MMRN1: variants seen among roughly 807,000 people sequenced by gnomAD.
The protein encoded by MMRN1 is multimerin 1, also known as multimerin-1.
A neutral mutation model predicts 100.7 loss-of-function variants in MMRN1; 94 were observed. The observed-to-expected ratio is 0.93, with a 90% confidence interval of 0.79 to 1.11. The LOEUF (loss-of-function observed/expected upper bound fraction) is 1.11, where lower values mean the gene tolerates loss of function less well. Among genes scored for constraint, MMRN1 ranks in the 50% least tolerant of loss-of-function variants. The pLI is 0.00. For missense variants in MMRN1, 1,606 were observed against 1,439.1 expected (o/e 1.12, Z -1.88); for synonymous variants, 575 against 505.0 (o/e 1.14, Z -1.86).
At chr4:89,889,269 C>T (rs1044561661) in intron 1 of MMRN1, among the ~76,000 whole-genome samples, 4 of 152,246 alleles carry the variant, frequency 2.6e-5, no homozygotes, top group African/African-American at 9.6e-5. Context: ...CTTGACAATA[C>T]AGAGAAAAAG....
intron 6 of MMRN1, among the ~76,000 whole-genome samples, chr4:89,937,635 T>C (rs187218807): frequency 6.6e-6 from 1 of 152,200 alleles, no homozygotes; most frequent in East Asian, 1.9e-4. Flanking sequence ...TTCTTCCTTT[T>C]AAGTGATGAG....
chr4:89,950,066 A>G (rs1203625319), intron 6 of MMRN1, among the ~76,000 whole-genome samples: 1 of 152,238 alleles, frequency 6.6e-6, no homozygotes, highest in Non-Finnish European at 1.5e-5. Flanking sequence ...TTATGTTTAT[A>G]ACCATATTCA....
intron 1 of MMRN1, among the ~76,000 whole-genome samples, chr4:89,887,137 A>C (rs779665951): frequency 1.3e-5 from 2 of 152,074 alleles, no homozygotes; most frequent in African/African-American, 2.4e-5. Context: ...AAAATTATTG[A>C]TGAAAGCAGT....
At chr4:89,895,835 A>T in intron 1 of MMRN1, among the ~76,000 whole-genome samples, 1 of 152,310 alleles carries the variant, frequency 6.6e-6, no homozygotes, top group Non-Finnish European at 1.5e-5. Flanking sequence ...CTACTCACTT[A>T]TAGAGGTAGT....
rs778976355 is a variant in MMRN1 at position 89,936,117 on chromosome 4, G to A, written c.2437G>A (p.Glu813Lys). The A allele has an allele frequency of 1.9e-6, 3 of 1,612,448 alleles. No individual in the cohort carries two copies. In the African/African-American group the frequency reaches 4.0e-5, roughly 22 times the overall value. ...AKTLAGIPRD[E>K]KLNQSNFQKM... Reference sequence around the variant, plus strand: ...GACCCTTGCAGGTATTCCCAGAGATGAGAAACTAAATCAGTCCAACTTCCA... The same window carrying A: ...GACCCTTGCAGGTATTCCCAGAGATAAGAAACTAAATCAGTCCAACTTCCA... The change falls in exon 6 of 8, where the codon GAG becomes AAG. Residue 813 changes from glutamate to lysine, a missense_variant. Glu to Lys is a moderately conservative substitution (Grantham distance 56, BLOSUM62 1). Transcript: ENST00000264790.
intron 1 of MMRN1, among the ~76,000 whole-genome samples, chr4:89,906,618 T>A (rs553266781): frequency 6.6e-6 from 1 of 151,684 alleles, no homozygotes; most frequent in South Asian, 2.1e-4. Context: ...GCCTTTAAAC[T>A]GCCCATCACC....
At chr4:89,921,832 A>G (rs1453856504) in intron 3 of MMRN1, among the ~76,000 whole-genome samples, 3 of 152,186 alleles carry the variant, frequency 2.0e-5, no homozygotes, top group African/African-American at 7.2e-5. Flanking sequence ...TTAATGCCAA[A>G]TATACTTCCT....
chr4:89,924,860 T>A (rs1479820741), intron 4 of MMRN1, among the ~76,000 whole-genome samples: 2 of 151,888 alleles, frequency 1.3e-5, no homozygotes, highest in Non-Finnish European at 2.9e-5. Flanking sequence ...AAATTAAAAA[T>A]TAAGTGTTTT....
At chr4:89,929,272 T>C (rs1319132105) in intron 5 of MMRN1, among the ~76,000 whole-genome samples, 1 of 152,168 alleles carries the variant, frequency 6.6e-6, no homozygotes, top group African/African-American at 2.4e-5. Context: ...AAGTTATCTT[T>C]TCTCTATTGA....
At chr4:89,920,960 A>G (rs959716489) in intron 3 of MMRN1, among the ~76,000 whole-genome samples, 6 of 152,250 alleles carry the variant, frequency 3.9e-5, no homozygotes, top group African/African-American at 1.2e-4. Flanking sequence ...TCTACGAGGA[A>G]AAAAATCAGT....
intron 1 of MMRN1, among the ~76,000 whole-genome samples, chr4:89,905,021 G>C (rs530114058): frequency 6.6e-6 from 1 of 151,380 alleles, no homozygotes; most frequent in Non-Finnish European, 1.5e-5. Flanking sequence ...GAGAGGGGGG[G>C]AATTATCCAC....
At chr4:89,907,822 T>C (rs895070891) in intron 1 of MMRN1, among the ~76,000 whole-genome samples, 2 of 131,660 alleles carry the variant, frequency 1.5e-5, no homozygotes, top group Admixed American at 7.5e-5. Context: ...GTCATGCCTG[T>C]TTTTTTGTTT....
chr4:89,928,053 C>T (rs1163509500), intron 5 of MMRN1, 85 bp downstream of exon 5: 10 of 1,149,088 alleles, frequency 8.7e-6, no homozygotes, highest in Non-Finnish European at 1.2e-5. Flanking sequence ...ACTTTGGGAT[C>T]TTTGCTTTAG....
At chr4:89,939,160 CA>C (rs1722746553) in intron 6 of MMRN1, among the ~76,000 whole-genome samples, 1 of 151,954 alleles carries the variant, frequency 6.6e-6, no homozygotes, top group Non-Finnish European at 1.5e-5. Context: ...TGTTTTATAC[CA>C]GGGGTGGGAC....
In MMRN1 at chr4:89,894,994, T is replaced by C. The variant is rs780756158; in HGVS notation, c.23T>C (p.Val8Ala). Residue 8 changes from valine to alanine, a missense_variant, in exon 1 of 8, where the codon GTC (valine) becomes GCC (alanine). Physicochemically the swap from Val to Ala is moderately conservative, Grantham distance 64 (BLOSUM62 0). Coordinates refer to ENST00000264790, the MANE Select transcript of MMRN1 (RefSeq NM_007351.3). ...GAGATGAAGGGGGCAAGATTATTTGTCCTTCTTTCTAGTTTATGGAGTGGG... is the reference window on the plus strand; with the variant it reads ...GAGATGAAGGGGGCAAGATTATTTGCCCTTCTTTCTAGTTTATGGAGTGGG... The part of the protein sequence containing the change: MKGARLF[V>A]LLSSLWSGGI... 2 of 1,611,962 alleles carry C rather than the reference T, an allele frequency of 1.2e-6. No individual in the cohort carries two copies. Among genetic ancestry groups the C allele is most frequent in the Admixed American group, 3.3e-5 (2 of 59,820 alleles).
At chr4:89,920,631 A>G (rs960723791) in intron 3 of MMRN1, among the ~76,000 whole-genome samples, 1 of 152,074 alleles carries the variant, frequency 6.6e-6, no homozygotes, top group Non-Finnish European at 1.5e-5. Flanking sequence ...ATTAACAGGA[A>G]TGCTGTTTAA....
chr4:89,887,971 G>T (rs1486980011), intron 1 of MMRN1, among the ~76,000 whole-genome samples: 2 of 151,462 alleles, frequency 1.3e-5, no homozygotes. Flanking sequence ...CCAATTATAG[G>T]TATGTTGAAC....
rs562454331 is a variant in MMRN1 at position 89,903,353 on chromosome 4, GT to G, written c.624-5910del. On this transcript the variant is annotated intron_variant, in intron 1 of 7. Transcript: ENST00000264790. Reference sequence around the variant, plus strand: ...TTAAGACTGTAGAGACATTCTGAAAGTTTTTTTTTTTTTCCTGAGAGGCAAG... The same window carrying G: ...TTAAGACTGTAGAGACATTCTGAAAGTTTTTTTTTTTTCCTGAGAGGCAAG... Among the ~76,000 whole-genome samples the G allele has an allele frequency of 3.4e-3, 492 of 144,224 alleles. 5 individuals are homozygous for G. The highest frequency in any genetic ancestry group is 9.3e-3 in the African/African-American group (368 of 39,706). The allele number at this position is 144,224 out of a possible 152,430, so 94.6% of individuals were successfully genotyped here.
chr4:89,893,269 A>G (rs747695790), upstream of MMRN1, among the ~76,000 whole-genome samples: 5 of 152,002 alleles, frequency 3.3e-5, no homozygotes, highest in Non-Finnish European at 7.4e-5. Context: ...TCCATATCAG[A>G]GTCGATTGGG....
Sources: allele counts gnomAD v4.1 joint callset (sites outside exome capture counted in the v4.1 genomes callset), GRCh38; gene constraint gnomAD v4.1.1; transcripts MANE v1.5; gene names NCBI Gene and HGNC (gene_info 2026-07-23, HGNC 2026-07-21).